MBNL2: variants seen among roughly 807,000 people sequenced by gnomAD.
The protein encoded by MBNL2 is muscleblind-like protein 2.
MBNL2 carries 17 observed loss-of-function variants against 41.9 expected under a neutral mutation model. The observed-to-expected ratio is 0.41, with a 90% CI of 0.28 to 0.61. The LOEUF (loss-of-function observed/expected upper bound fraction) is 0.61. MBNL2 is among the 20% of genes least tolerant of loss of function. MBNL2 has a pLI of 0.35. For missense variants in MBNL2, 336 were observed against 505.6 expected, an observed-to-expected ratio of 0.66 and a Z score of 3.22; for synonymous variants, 195 against 182.9, an observed-to-expected ratio of 1.07 and a Z score of -0.53.
intron 8 of MBNL2, among the ~76,000 whole-genome samples, chr13:97,388,426 G>A (rs1363883662): frequency 6.6e-6 from 1 of 151,716 alleles, no homozygotes; most frequent in Non-Finnish European, 1.5e-5. Flanking sequence ...TGTTTGTTTA[G>A]TGCTAAATCA....
At chr13:97,344,106 C>T (rs374032931) in intron 4 of MBNL2, among the ~76,000 whole-genome samples, 6 of 152,210 alleles carry the variant, frequency 3.9e-5, no homozygotes, top group Admixed American at 1.3e-4. Flanking sequence ...GCGCCCAGCC[C>T]GTAAATTTAG....
intron 1 of MBNL2, among the ~76,000 whole-genome samples, chr13:97,232,583 C>T (rs1384890356): frequency 6.6e-6 from 1 of 152,074 alleles, no homozygotes; most frequent in South Asian, 2.1e-4. Context: ...AAACATGCAA[C>T]CCTTGTCCAC....
At chr13:97,369,965 ATATTAT>A (rs960181838) in intron 8 of MBNL2, among the ~76,000 whole-genome samples, 1 of 152,124 alleles carries the variant, frequency 6.6e-6, no homozygotes. Context: ...AATAGTAATA[ATATTAT>A]TATTATAAAC....
chr13:97,352,908 A>T (rs1016049776), intron 5 of MBNL2, among the ~76,000 whole-genome samples: 4 of 152,226 alleles, frequency 2.6e-5, no homozygotes, highest in African/African-American at 9.6e-5. Flanking sequence ...TTCAGTCATT[A>T]AAGGAACAAT....
At chr13:97,230,519 T>C (rs1207366766) in intron 1 of MBNL2, among the ~76,000 whole-genome samples, 1 of 152,202 alleles carries the variant, frequency 6.6e-6, no homozygotes, top group Non-Finnish European at 1.5e-5. Flanking sequence ...GAAGCCGTAG[T>C]TGAAGCCATT....
At chr13:97,144,193 C>T in the MBNL2 span, among the ~76,000 whole-genome samples, 6 of 151,708 alleles carry the variant, frequency 4.0e-5, no homozygotes, top group African/African-American at 7.3e-5. Context: ...GAAAAGGGAG[C>T]GGCTGCTCTG....
intron 1 of MBNL2, among the ~76,000 whole-genome samples, chr13:97,234,384 C>T (rs1240708892): frequency 6.6e-6 from 1 of 152,220 alleles, no homozygotes; most frequent in African/African-American, 2.4e-5. Context: ...CTGAGCTTCT[C>T]TGGCAGTGTT....
intron 2 of MBNL2, among the ~76,000 whole-genome samples, chr13:97,328,195 T>C (rs914302780): frequency 7.4e-4 from 102 of 136,998 alleles, no homozygotes; most frequent in African/African-American, 3.1e-3. Flanking sequence ...TTTTTTTTTT[T>C]ACACTGCTTC....
At position 97,343,131 on chromosome 13, in the gene MBNL2, C is replaced by T. The variant is rs144316979; in HGVS notation, c.455C>T (p.Thr152Met). The change falls in exon 4 of 9, where the codon ACG becomes ATG. Residue 152 changes from threonine to methionine, a missense_variant. Physicochemically the swap from Thr to Met is moderately conservative, Grantham distance 81. Coordinates refer to ENST00000679496, the MANE Select transcript of MBNL2 (RefSeq NM_001382683.1). ...GLVPTEILPT[T>M]PVIVPGSPPV... The stretch of plus-strand genomic sequence containing the variant: ...GTCCCAACGGAAATTCTGCCCACCA[C>T]GCCTGTTATTGTTCCCGGAAGTCCA... 83 of 1,614,034 alleles carry T rather than the reference C, an allele frequency of 5.1e-5. No homozygotes were observed. Among genetic ancestry groups the T allele is most frequent in the African/African-American group, 6.7e-5 (5 of 75,032 alleles).
chr13:97,357,355 G>A (rs1316542259), intron 6 of MBNL2, 127 bp from the exon 7 acceptor site: 2 of 734,834 alleles, frequency 2.7e-6, no homozygotes, highest in Non-Finnish European at 4.6e-6. Flanking sequence ...TTTAAATTAA[G>A]GTGCATGGCA....
intron 5 of MBNL2, among the ~76,000 whole-genome samples, chr13:97,356,224 CT>C (rs1297342433): frequency 6.6e-6 from 1 of 150,730 alleles, no homozygotes; most frequent in Non-Finnish European, 1.5e-5. Context: ...CCTAAATAAT[CT>C]TGTGTTTGAA....
chr13:97,360,718 C>A (rs771730209), intron 7 of MBNL2, among the ~76,000 whole-genome samples: 33 of 152,212 alleles, frequency 2.2e-4, no homozygotes, highest in Non-Finnish European at 4.6e-4. Flanking sequence ...CTCACAGATA[C>A]GACAGCTGAA....
chr13:97,180,901 T>G, the MBNL2 span, among the ~76,000 whole-genome samples: 1 of 152,154 alleles, frequency 6.6e-6, no homozygotes, highest in Non-Finnish European at 1.5e-5. Context: ...TGGGTTACAT[T>G]TTATTAAAAT....
the MBNL2 span, among the ~76,000 whole-genome samples, chr13:97,169,836 C>G: frequency 6.6e-5 from 10 of 152,234 alleles, no homozygotes; most frequent in African/African-American, 2.4e-4. Context: ...AGGTTATTTC[C>G]CTACAATGCT....
At chr13:97,222,222 A>G (rs2040920327), upstream of MBNL2, 3 of 392,334 alleles carry the variant, frequency 7.6e-6, no homozygotes, top group Admixed American at 8.9e-5. Context: ...CAGTCATCCT[A>G]TTAGGGCCAG....
At chr13:97,270,695 C>T (rs1054533809) in intron 1 of MBNL2, among the ~76,000 whole-genome samples, 2 of 152,156 alleles carry the variant, frequency 1.3e-5, no homozygotes, top group Admixed American at 1.3e-4. Flanking sequence ...AACACATGCC[C>T]CTTCCTCTCA....
At position 97,338,928 on chromosome 13, in the gene MBNL2, G is replaced by A. The variant is rs1238084204; in HGVS notation, c.340-4088G>A. On this transcript the variant is annotated intron_variant, in intron 3 of 8. Transcript: ENST00000679496. ...ACTTTTGAGCCATGAAATACCTCGG[G>A]CCACTTGGCCATTACCCTTGGCTAA... Among the ~76,000 whole-genome samples, 4 of 152,142 alleles carry A rather than the reference G, an allele frequency of 2.6e-5. No individual in the cohort carries two copies. The South Asian group carries it at 6.2e-4, about 24-fold the overall frequency.
At chr13:97,316,008 C>T (rs2059017111) in intron 2 of MBNL2, among the ~76,000 whole-genome samples, 1 of 152,152 alleles carries the variant, frequency 6.6e-6, no homozygotes, top group South Asian at 2.1e-4. Context: ...ACTTCCAGAC[C>T]ACACCTCTCT....
intron 3 of MBNL2, among the ~76,000 whole-genome samples, chr13:97,336,075 ACTGGTGG>A (rs1300801099): frequency 7.2e-5 from 11 of 152,196 alleles, no homozygotes. Context: ...CCTGGTACTC[ACTGGTGG>A]CCGTGTTAAC....
Sources: gnomAD v4.1 joint callset for allele counts (sites outside exome capture counted in the v4.1 genomes callset) on GRCh38, gnomAD v4.1.1 for gene constraint, MANE v1.5 for transcripts, NCBI Gene and HGNC (gene_info 2026-07-23, HGNC 2026-07-21) for gene names.